The following DAB1 variants were observed in gnomAD, a reference collection of about 807,000 sequenced individuals.
DAB1 encodes disabled homolog 1.
DAB1 carries 15 observed loss-of-function variants against 64.6 expected under a neutral mutation model. The ratio of observed to expected loss-of-function variants is 0.23; its 90% CI spans 0.16 to 0.36. The LOEUF (loss-of-function observed/expected upper bound fraction) is 0.36, where lower values mean the gene tolerates loss of function less well. Ranked by LOEUF, DAB1 falls within the 10% of genes least tolerant of loss-of-function variation. DAB1 has a pLI of 1.00. For missense variants in DAB1, 596 were observed against 706.7 expected (o/e 0.84, Z 1.78); for synonymous variants, 235 against 251.9 (o/e 0.93, Z 0.64).
chr1:57,567,287 A>G (rs570981484), intron 7 of DAB1, among the ~76,000 whole-genome samples: 27 of 152,310 alleles, frequency 1.8e-4, no homozygotes, highest in Non-Finnish European at 3.4e-4. Context: ...CAAAATAATA[A>G]CAGCTATCTA....
At chr1:58,227,242 C>T (rs1659540868) in intron 4 of DAB1, among the ~76,000 whole-genome samples, 1 of 152,052 alleles carries the variant, frequency 6.6e-6, no homozygotes, top group Admixed American at 6.5e-5. Context: ...GCCAAATAAC[C>T]AACTCTAGGA....
At chr1:58,407,907 A>G (rs755239471) in intron 3 of DAB1, among the ~76,000 whole-genome samples, 7 of 152,254 alleles carry the variant, frequency 4.6e-5, no homozygotes, top group Non-Finnish European at 7.4e-5. Context: ...TCCTTACTGC[A>G]TCTTACAAAG....
In DAB1 at chr1:57,011,225, A is replaced by T; in HGVS notation, c.1492T>A (p.Ser498Thr). The part of the protein sequence containing the change: ...RQSSPSKSSA[S>T]HASDPTTDDI... Reference sequence around the variant, plus strand: ...TCTGTGGTAGGATCACTGGCATGGGATGCAGATGATTTGGATGGAGAGCTC... The same window carrying T: ...TCTGTGGTAGGATCACTGGCATGGGTTGCAGATGATTTGGATGGAGAGCTC... The change falls in exon 13 of 15, where the codon TCC becomes ACC. Residue 498 changes from serine to threonine, a missense_variant. Ser to Thr is a moderately conservative substitution (Grantham distance 58). Transcript: ENST00000371236. 1 of 1,614,066 alleles carries T rather than the reference A, an allele frequency of 6.2e-7. No individual in the cohort carries two copies. Among genetic ancestry groups the T allele is most frequent in the Non-Finnish European group, 8.5e-7 (1 of 1,179,912 alleles).
At chr1:57,081,813 A>G (rs1317523139) in intron 4 of DAB1, among the ~76,000 whole-genome samples, 1 of 152,234 alleles carries the variant, frequency 6.6e-6, no homozygotes, top group African/African-American at 2.4e-5. Flanking sequence ...TATTGGAATT[A>G]TAATCATGAA....
At chr1:58,313,595 G>T (rs959859030) in intron 4 of DAB1, among the ~76,000 whole-genome samples, 2 of 152,158 alleles carry the variant, frequency 1.3e-5, no homozygotes, top group Non-Finnish European at 2.9e-5. Context: ...ACAGGATGAA[G>T]AATAGAAAAC....
chr1:57,441,240 C>T (rs113023825), intron 7 of DAB1, among the ~76,000 whole-genome samples: 147 of 121,132 alleles, frequency 1.2e-3, no homozygotes, highest in African/African-American at 3.8e-3. Context: ...TGCACAGGTA[C>T]AATCTTTTCT....
At chr1:57,114,893 C>T (rs1655972747) in intron 4 of DAB1, among the ~76,000 whole-genome samples, 1 of 152,112 alleles carries the variant, frequency 6.6e-6, no homozygotes, top group Non-Finnish European at 1.5e-5. Flanking sequence ...TTAATCATCA[C>T]CATGTTGCTT....
intron 7 of DAB1, among the ~76,000 whole-genome samples, chr1:57,553,434 G>GAA (rs1376950160): frequency 0.035 from 535 of 15,454 alleles, 47 homozygotes; most frequent in Middle Eastern, 0.25. Context: ...AAGAAAGAAA[G>GAA]AAAGAAAGAG....
At chr1:58,052,825 C>G (rs1647773385) in intron 5 of DAB1, among the ~76,000 whole-genome samples, 1 of 152,152 alleles carries the variant, frequency 6.6e-6, no homozygotes, top group Non-Finnish European at 1.5e-5. Context: ...TGGGAGTTCA[C>G]TTATGATTTG....
chr1:58,403,409 T>C (rs1258879650), intron 3 of DAB1, among the ~76,000 whole-genome samples: 6 of 152,204 alleles, frequency 3.9e-5, no homozygotes, highest in Non-Finnish European at 7.3e-5. Flanking sequence ...AGAATTTTCC[T>C]AAGACTTTTC....
At chr1:58,476,223 A>G (rs1204353434) in intron 3 of DAB1, among the ~76,000 whole-genome samples, 2 of 149,884 alleles carry the variant, frequency 1.3e-5, no homozygotes, top group Non-Finnish European at 3.0e-5. Context: ...ACTAATTAAA[A>G]TAATTTTTTT....
chr1:57,217,776 A>C (rs913631527), intron 2 of DAB1, among the ~76,000 whole-genome samples: 1 of 152,098 alleles, frequency 6.6e-6, no homozygotes, highest in African/African-American at 2.4e-5. Flanking sequence ...CATCAATCTG[A>C]AGAATAAATT....
At chr1:57,664,214 T>C (rs1646420750) in intron 6 of DAB1, among the ~76,000 whole-genome samples, 1 of 152,222 alleles carries the variant, frequency 6.6e-6, no homozygotes, top group Admixed American at 6.5e-5. Context: ...TCCACATCTT[T>C]ACTGGATCTG....
intron 5 of DAB1, among the ~76,000 whole-genome samples, chr1:58,086,311 C>T (rs1394658167): frequency 2.0e-5 from 3 of 152,156 alleles, no homozygotes; most frequent in African/African-American, 7.2e-5. Flanking sequence ...CCCAGCTCAA[C>T]ACCTAACACA....
intron 2 of DAB1, among the ~76,000 whole-genome samples, chr1:57,219,253 A>C (rs60103052): frequency 0.14 from 20,466 of 143,424 alleles, 3,434 homozygotes; most frequent in African/African-American, 0.41. Flanking sequence ...TCATCTAAAA[A>C]GAGGCATTTC....
chr1:58,285,217 T>C (rs1661655521), intron 4 of DAB1, among the ~76,000 whole-genome samples: 1 of 152,354 alleles, frequency 6.6e-6, no homozygotes, highest in African/African-American at 2.4e-5. Flanking sequence ...GGGCAAAAGC[T>C]GGAAGCATTC....
At chr1:57,422,523 C>A (rs1684999095) in intron 1 of DAB1, among the ~76,000 whole-genome samples, 1 of 152,160 alleles carries the variant, frequency 6.6e-6, no homozygotes. Context: ...GGCGCGCACC[C>A]CAGACTCGGC....
At chr1:58,448,468 G>T (rs1645096536) in intron 3 of DAB1, among the ~76,000 whole-genome samples, 1 of 152,190 alleles carries the variant, frequency 6.6e-6, no homozygotes, top group South Asian at 2.1e-4. Flanking sequence ...GAGCACAGAT[G>T]AATCTGACCC....
intron 5 of DAB1, among the ~76,000 whole-genome samples, chr1:58,108,070 G>T (rs1651766555): frequency 6.6e-6 from 1 of 152,222 alleles, no homozygotes; most frequent in Non-Finnish European, 1.5e-5. Context: ...AGGAACTCAT[G>T]AGTCTGGCTG....
Sources: allele counts gnomAD v4.1 joint callset (sites outside exome capture counted in the v4.1 genomes callset), GRCh38; gene constraint gnomAD v4.1.1; transcripts MANE v1.5; gene names NCBI Gene and HGNC (gene_info 2026-07-23, HGNC 2026-07-21).